Variants in NRXN1 observed in about 807,000 individuals in gnomAD.
NRXN1 encodes the protein neurexin 1, also known as neurexin-1.
In NRXN1, 39 loss-of-function variants were observed where a neutral mutation model predicts 150.9. That is an observed-to-expected ratio of 0.26 (90% CI 0.20 to 0.34). The LOEUF is 0.34. NRXN1 is among the 10% of genes least tolerant of loss of function. NRXN1 has a pLI of 1.00. For synonymous variants in NRXN1, 924 were observed against 757.0 expected (o/e 1.22, Z -3.62); for missense variants, 1,815 against 1,949.9 (o/e 0.93, Z 1.30).
chr2:50,285,591 C>T (rs1490816573), intron 17 of NRXN1, among the ~76,000 whole-genome samples: 1 of 152,150 alleles, frequency 6.6e-6, no homozygotes, highest in Non-Finnish European at 1.5e-5. Flanking sequence ...TTTTTTTTCC[C>T]TCACTAATGT....
At chr2:50,282,443 G>A (rs2071582126) in intron 17 of NRXN1, among the ~76,000 whole-genome samples, 1 of 152,120 alleles carries the variant, frequency 6.6e-6, no homozygotes, top group Admixed American at 6.6e-5. Flanking sequence ...ACCAAATTCT[G>A]TTGGAAAATA....
At chr2:50,183,235 C>T (rs933549020) in intron 18 of NRXN1, among the ~76,000 whole-genome samples, 1 of 152,042 alleles carries the variant, frequency 6.6e-6, no homozygotes, top group African/African-American at 2.4e-5. Context: ...GAAGCATCTG[C>T]TCCTTAAATA....
chr2:50,197,081 A>C (rs562356613), intron 18 of NRXN1, among the ~76,000 whole-genome samples: 1 of 152,244 alleles, frequency 6.6e-6, no homozygotes, highest in East Asian at 1.9e-4. Context: ...AATATATCAA[A>C]TGTTGGGATA....
At chr2:50,417,651 A>T (rs2083647661) in intron 17 of NRXN1, among the ~76,000 whole-genome samples, 1 of 151,944 alleles carries the variant, frequency 6.6e-6, no homozygotes, top group African/African-American at 2.4e-5. Context: ...AATAAGTGTG[A>T]AAACCCTGTT....
intron 2 of NRXN1, among the ~76,000 whole-genome samples, chr2:50,946,378 A>G (rs1690395701): frequency 6.6e-6 from 1 of 152,220 alleles, no homozygotes; most frequent in African/African-American, 2.4e-5. Flanking sequence ...GATGTCCTGC[A>G]TAAACTGTGC....
chr2:50,940,473 C>CAAAA (rs748999405), intron 2 of NRXN1, among the ~76,000 whole-genome samples: 1 of 75,122 alleles, frequency 1.3e-5, no homozygotes, highest in Non-Finnish European at 2.7e-5. Context: ...GACTCCATCT[C>CAAAA]AAAAAAAAAA....
intron 5 of NRXN1, among the ~76,000 whole-genome samples, chr2:50,659,250 A>G (rs1191719738): frequency 6.6e-6 from 1 of 152,062 alleles, no homozygotes; most frequent in Non-Finnish European, 1.5e-5. Flanking sequence ...TTATGCAGTA[A>G]ACTAGTTCTC....
At chr2:50,433,344 A>G (rs1386212564) in intron 17 of NRXN1, among the ~76,000 whole-genome samples, 1 of 152,216 alleles carries the variant, frequency 6.6e-6, no homozygotes, top group Admixed American at 6.5e-5. Context: ...AAATTTAAAT[A>G]TATGAGTGCA....
chr2:50,678,401 A>G (rs1251335776), intron 5 of NRXN1, among the ~76,000 whole-genome samples: 1 of 152,172 alleles, frequency 6.6e-6, no homozygotes, highest in Non-Finnish European at 1.5e-5. Flanking sequence ...CCAAATGACA[A>G]CTTTGTAAAA....
At chr2:50,616,556 T>C (rs1679096099) in intron 8 of NRXN1, 2 of 152,166 alleles carry the variant, frequency 1.3e-5, no homozygotes, top group African/African-American at 4.8e-5. Context: ...TTGAATGCCA[T>C]TGTTTACAAT....
intron 17 of NRXN1, among the ~76,000 whole-genome samples, chr2:50,295,861 G>GTGCAGT (rs1190307307): frequency 6.6e-6 from 1 of 152,214 alleles, no homozygotes; most frequent in African/African-American, 2.4e-5. Flanking sequence ...TGCACTGAAA[G>GTGCAGT]ACAATTGGGA....
chr2:50,815,127 GTGTT>G (rs1373600939), intron 5 of NRXN1, among the ~76,000 whole-genome samples: 1 of 151,660 alleles, frequency 6.6e-6, no homozygotes, highest in African/African-American at 2.4e-5. Flanking sequence ...TACCTTGACT[GTGTT>G]TGCACTATTC....
intron 9 of NRXN1, among the ~76,000 whole-genome samples, chr2:50,543,100 T>C (rs943119005): frequency 5.9e-5 from 9 of 152,130 alleles, no homozygotes; most frequent in African/African-American, 2.2e-4. Context: ...ATAAATGTTA[T>C]AAATACATTT....
At chr2:50,084,850 T>C (rs368997319) in intron 19 of NRXN1, among the ~76,000 whole-genome samples, 1 of 152,344 alleles carries the variant, frequency 6.6e-6, no homozygotes, top group East Asian at 1.9e-4. Context: ...TGATAATATA[T>C]CATTTCTTTC....
intron 17 of NRXN1, among the ~76,000 whole-genome samples, chr2:50,328,223 T>A (rs1459047922): frequency 6.6e-6 from 1 of 152,086 alleles, no homozygotes; most frequent in Non-Finnish European, 1.5e-5. Context: ...TTTTTGTTTT[T>A]TTTTTAGTTC....
intron 5 of NRXN1, among the ~76,000 whole-genome samples, chr2:50,663,356 C>G (rs756692138): frequency 6.6e-6 from 1 of 151,970 alleles, no homozygotes; most frequent in Non-Finnish European, 1.5e-5. Flanking sequence ...CCTTCGGACT[C>G]TCCTTTGTGC....
At chr2:50,650,570 A>T (rs999221154) in intron 5 of NRXN1, among the ~76,000 whole-genome samples, 2 of 152,094 alleles carry the variant, frequency 1.3e-5, no homozygotes, top group African/African-American at 2.4e-5. Context: ...TCCAGAGGTC[A>T]GAAAAACAAA....
chr2:50,822,032 G>A (rs1372912266), intron 5 of NRXN1, among the ~76,000 whole-genome samples: 2 of 152,062 alleles, frequency 1.3e-5, no homozygotes, highest in Non-Finnish European at 2.9e-5. Flanking sequence ...AATTGACTTT[G>A]AATCACGTTT....
intron 17 of NRXN1, among the ~76,000 whole-genome samples, chr2:50,438,796 C>A (rs1490598364): frequency 6.6e-6 from 1 of 152,136 alleles, no homozygotes; most frequent in Non-Finnish European, 1.5e-5. Flanking sequence ...ATGCTTTAAA[C>A]TTCTACTAAA....
Sources: allele counts gnomAD v4.1 joint callset (sites outside exome capture counted in the v4.1 genomes callset), GRCh38; gene constraint gnomAD v4.1.1; transcripts MANE v1.5; gene names NCBI Gene and HGNC (gene_info 2026-07-23, HGNC 2026-07-21).